Variants in CDH18 observed in about 807,000 individuals in gnomAD.
CDH18 encodes cadherin 18.
A neutral mutation model predicts 67.9 loss-of-function variants in CDH18; 31 were observed. The ratio of observed to expected loss-of-function variants is 0.46; its 90% CI spans 0.34 to 0.62. The LOEUF is 0.62. Among genes scored for constraint, CDH18 ranks in the 20% least tolerant of loss-of-function variants. The probability of loss-of-function intolerance (pLI) is 0.01; values close to 1 mark genes in which losing one functional copy is unlikely to be tolerated. For synonymous variants in CDH18, 362 were observed against 347.2 expected (o/e 1.04, Z -0.48); for missense variants, 890 against 975.5 (o/e 0.91, Z 1.17).
In CDH18 at chr5:19,526,087, C is replaced by A. The variant is rs376566205; in HGVS notation, c.1391-5309G>T. On this transcript the variant is annotated intron_variant, in intron 9 of 12. Coordinates refer to ENST00000382275, the MANE Select transcript of CDH18 (RefSeq NM_004934.5). Reference sequence around the variant, plus strand: ...AAATTATTTGCAATTTATTGATGTGCATTAATTATTTAATTTGTAAGCCTA... The same window carrying A: ...AAATTATTTGCAATTTATTGATGTGAATTAATTATTTAATTTGTAAGCCTA... Among the ~76,000 whole-genome samples, 4 of 151,938 alleles carry A rather than the reference C, an allele frequency of 2.6e-5. No individual in the cohort carries two copies. In the East Asian group the frequency reaches 7.7e-4, roughly 29 times the overall value.
At chr5:20,421,854 A>T (rs1747889856) in intron 1 of CDH18, among the ~76,000 whole-genome samples, 1 of 150,490 alleles carries the variant, frequency 6.6e-6, no homozygotes, top group Non-Finnish European at 1.5e-5. Flanking sequence ...ACATGTATAC[A>T]CACATACATG....
intron 2 of CDH18, among the ~76,000 whole-genome samples, chr5:20,042,729 C>T (rs1341448119): frequency 6.6e-6 from 1 of 151,988 alleles, no homozygotes; most frequent in Non-Finnish European, 1.5e-5. Context: ...TTTGGGAGGC[C>T]GAGGACAGCA....
intron 2 of CDH18, among the ~76,000 whole-genome samples, chr5:20,161,263 C>A (rs1458833136): frequency 6.6e-6 from 1 of 152,216 alleles, no homozygotes; most frequent in East Asian, 1.9e-4. Context: ...CCAACACAGT[C>A]AACTTGGTGT....
At chr5:19,805,073 G>A (rs1358841016) in intron 3 of CDH18, among the ~76,000 whole-genome samples, 2 of 151,538 alleles carry the variant, frequency 1.3e-5, no homozygotes, top group Non-Finnish European at 2.9e-5. Context: ...CAGCCTCCCA[G>A]GTAGCTGAGA....
chr5:19,593,710 T>TCCTCCTCCTTCTTCTTCTTCTC (rs1561425870), intron 6 of CDH18, among the ~76,000 whole-genome samples: 1 of 8,732 alleles, frequency 1.1e-4, no homozygotes, highest in African/African-American at 6.3e-4. Context: ...TCCTCCTCCT[T>TCCTCCTCCTTCTTCTTCTTCTC]CTTCTTCTTC....
At chr5:19,591,734 A>G (rs1745172571) in intron 6 of CDH18, among the ~76,000 whole-genome samples, 1 of 152,126 alleles carries the variant, frequency 6.6e-6, no homozygotes, top group Non-Finnish European at 1.5e-5. Context: ...TATCAAGAAT[A>G]GTGAGATATA....
intron 5 of CDH18, among the ~76,000 whole-genome samples, chr5:19,698,450 TG>T (rs1005819224): frequency 2.0e-5 from 3 of 152,054 alleles, no homozygotes; most frequent in Admixed American, 6.6e-5. Flanking sequence ...ATATGGATCT[TG>T]ACTATATCAA....
chr5:19,631,111 C>T (rs376106634), intron 5 of CDH18, among the ~76,000 whole-genome samples: 15 of 151,728 alleles, frequency 9.9e-5, no homozygotes, highest in East Asian at 4.0e-4. Flanking sequence ...TCTCACCAAG[C>T]AGGAGTTTAG....
intron 11 of CDH18, among the ~76,000 whole-genome samples, chr5:19,492,434 A>G (rs1483137354): frequency 6.6e-6 from 1 of 152,184 alleles, no homozygotes; most frequent in Non-Finnish European, 1.5e-5. Context: ...ATTTAGTAAT[A>G]ATATGGCCAT....
intron 2 of CDH18, among the ~76,000 whole-genome samples, chr5:19,866,387 C>A (rs1348102181): frequency 1.3e-5 from 2 of 152,206 alleles, no homozygotes; most frequent in African/African-American, 2.4e-5. Context: ...GAAAGGCAGT[C>A]TTTTGCTCAG....
At chr5:19,701,055 G>T (rs983339818) in intron 5 of CDH18, among the ~76,000 whole-genome samples, 1 of 151,796 alleles carries the variant, frequency 6.6e-6, no homozygotes, top group Non-Finnish European at 1.5e-5. Flanking sequence ...TATTGTAAAT[G>T]ATAAAAAAAA....
intron 2 of CDH18, among the ~76,000 whole-genome samples, chr5:19,900,986 T>C (rs945417256): frequency 5.9e-5 from 9 of 152,280 alleles, no homozygotes; most frequent in Admixed American, 2.0e-4. Flanking sequence ...CTGACTTGCC[T>C]AGTGTGGCCT....
chr5:19,516,549 G>A (rs185812828), intron 10 of CDH18, among the ~76,000 whole-genome samples: 63 of 152,154 alleles, frequency 4.1e-4, no homozygotes, highest in Non-Finnish European at 6.6e-4. Flanking sequence ...TCTATTCAGC[G>A]ATTCAACATC....
chr5:19,621,456 T>A (rs557664609), intron 5 of CDH18, among the ~76,000 whole-genome samples: 6 of 152,122 alleles, frequency 3.9e-5, no homozygotes, highest in Non-Finnish European at 8.8e-5. Context: ...TCTTTTTATA[T>A]ACCTGTTGTC....
At position 19,594,479 on chromosome 5, in the gene CDH18, T is replaced by C. The variant is rs561158235; in HGVS notation, c.812-3235A>G. Among the ~76,000 whole-genome samples the C allele has an allele frequency of 2.4e-4, 37 of 152,250 alleles. No individual in the cohort carries two copies. In the South Asian group the frequency reaches 7.5e-3, roughly 31 times the overall value. ...TTTTAAAGAGACTATCCTTTTCTCA[T>C]TGTGTATTCTTAGCAACCTTGTTGA... On this transcript the variant is annotated intron_variant, in intron 6 of 12. Transcript: ENST00000382275.
rs115487931 is a variant in CDH18, at chr5:20,570,930, C to T, written c.-580+4532G>A. On this transcript the variant is annotated intron_variant, in intron 1 of 14. Transcript: ENST00000507958. ...GAGTAATTTTGTAGAGAAAACAATT[C>T]GGTTCATTGATCATAGCAACAAGAG... 9.7e-3 allele frequency among the ~76,000 whole-genome samples: 1,474 copies of T among 152,216 alleles called. 9 individuals carry two copies. The highest frequency in any genetic ancestry group is 0.017 in the Middle Eastern group (5 of 294).
chr5:20,410,548 A>G (rs1374405042), intron 1 of CDH18, among the ~76,000 whole-genome samples: 7 of 151,736 alleles, frequency 4.6e-5, no homozygotes, highest in Non-Finnish European at 1.0e-4. Context: ...AGAGTAACAC[A>G]TTCAAGGGTG....
intron 1 of CDH18, among the ~76,000 whole-genome samples, chr5:20,323,619 G>T (rs2150010829): frequency 6.6e-6 from 1 of 152,248 alleles, no homozygotes; most frequent in Non-Finnish European, 1.5e-5. Flanking sequence ...TCACCCTGTG[G>T]CTTTCTGGTA....
chr5:20,209,693 G>A (rs551671440), intron 2 of CDH18, among the ~76,000 whole-genome samples: 2 of 152,000 alleles, frequency 1.3e-5, no homozygotes, highest in East Asian at 3.9e-4. Context: ...TCATTAAGAT[G>A]ACAATCACTG....
Sources: allele counts gnomAD v4.1 joint callset (sites outside exome capture counted in the v4.1 genomes callset), GRCh38; gene constraint gnomAD v4.1.1; transcripts MANE v1.5; gene names NCBI Gene and HGNC (gene_info 2026-07-23, HGNC 2026-07-21).